The following OOEP variants were observed in gnomAD, a reference collection of about 807,000 sequenced individuals.
OOEP encodes oocyte expressed protein.
In OOEP, 16 loss-of-function variants were observed where a neutral mutation model predicts 13.7. The observed-to-expected ratio is 1.16, with a 90% CI of 0.79 to 1.77. The LOEUF (loss-of-function observed/expected upper bound fraction) is 1.77, where lower values mean the gene tolerates loss of function less well. Ranked by LOEUF, OOEP falls within the 40% of genes most tolerant of loss-of-function variation. OOEP has a pLI of 0.00. For missense variants in OOEP, 195 were observed against 193.1 expected (o/e 1.01, Z -0.06); for synonymous variants, 89 against 77.1 (o/e 1.15, Z -0.81).
At chr6:73,385,716 T>C (rs553664177) in intron 2 of OOEP, among the ~76,000 whole-genome samples, 69 of 151,822 alleles carry the variant, frequency 4.5e-4, no homozygotes, top group Non-Finnish European at 2.2e-4. Flanking sequence ...GCCTCCTGAG[T>C]AGCTGGGATT....
At chr6:73,378,470 A>G (rs982204535) in intron 2 of OOEP, among the ~76,000 whole-genome samples, 1 of 152,124 alleles carries the variant, frequency 6.6e-6, no homozygotes, top group African/African-American at 2.4e-5. Context: ...CTTAAAAATC[A>G]TTGAGGCCAG....
intron 2 of OOEP, among the ~76,000 whole-genome samples, chr6:73,386,247 A>G (rs1445417160): frequency 1.3e-5 from 2 of 152,006 alleles, no homozygotes; most frequent in African/African-American, 4.8e-5. Context: ...GGCATGTGCC[A>G]CCATGTCCAG....
intron 2 of OOEP, among the ~76,000 whole-genome samples, chr6:73,382,187 A>G (rs1769218645): frequency 6.8e-6 from 1 of 146,956 alleles, no homozygotes; most frequent in African/African-American, 2.5e-5. Flanking sequence ...ACCTGCGACC[A>G]CAGGCATGCA....
At chr6:73,378,360 C>T (rs1455385113) in intron 2 of OOEP, among the ~76,000 whole-genome samples, 1 of 151,948 alleles carries the variant, frequency 6.6e-6, no homozygotes, top group Non-Finnish European at 1.5e-5. Flanking sequence ...CCACCTCAGC[C>T]TCCCAAAATG....
exon 2 of OOEP, chr6:73,394,414 C>G (rs746346173): frequency 9.8e-6 from 7 of 712,384 alleles, no homozygotes; most frequent in South Asian, 8.9e-5. Flanking sequence ...TTTGGGAGGC[C>G]GAGGCTGGAA....
intron 2 of OOEP, chr6:73,387,857 A>G (rs1324683488): frequency 6.6e-6 from 1 of 152,208 alleles, no homozygotes; most frequent in Non-Finnish European, 1.5e-5. Context: ...GATAGTTCTG[A>G]CAACATTAGA....
chr6:73,386,522 A>AT (rs1769274411), intron 2 of OOEP, among the ~76,000 whole-genome samples: 2 of 152,230 alleles, frequency 1.3e-5, no homozygotes, highest in Non-Finnish European at 2.9e-5. Context: ...ATACTTTTAC[A>AT]AGTTTAGTAA....
At chr6:73,394,944 G>T (rs753454673) in exon 1 of OOEP, 1 of 1,614,260 alleles carries the variant, frequency 6.2e-7, no homozygotes, top group South Asian at 1.1e-5. Context: ...CCTCTACGTG[G>T]GTCGTTGCTA....
exon 1 of OOEP, chr6:73,394,911 C>T (rs1342153234): frequency 1.9e-6 from 3 of 1,613,990 alleles, no homozygotes; most frequent in Non-Finnish European, 1.7e-6. Context: ...GAACAATGTC[C>T]CACCACGGAG....
upstream of OOEP, among the ~76,000 whole-genome samples, chr6:73,370,441 AT>A (rs34253887): frequency 2.6e-5 from 4 of 152,066 alleles, no homozygotes; most frequent in Admixed American, 1.3e-4. Flanking sequence ...ATCGATGGAC[AT>A]TTTTTCCCAA....
upstream of OOEP, among the ~76,000 whole-genome samples, chr6:73,371,614 G>C (rs1213238184): frequency 1.3e-5 from 2 of 152,088 alleles, no homozygotes; most frequent in African/African-American, 4.8e-5. Context: ...GCCGGACATG[G>C]TGGTGCATGC....
chr6:73,388,930 G>A (rs1030777251), intron 2 of OOEP, among the ~76,000 whole-genome samples: 1 of 152,172 alleles, frequency 6.6e-6, no homozygotes, highest in Non-Finnish European at 1.5e-5. Context: ...GGAGGAATAA[G>A]TTCTCGGAGG....
intron 2 of OOEP, among the ~76,000 whole-genome samples, chr6:73,385,493 C>A (rs908856866): frequency 1.3e-4 from 19 of 151,970 alleles, no homozygotes; most frequent in Non-Finnish European, 2.4e-4. Context: ...TAAAGGACAA[C>A]AACTACATGA....
chr6:73,391,691 G>C (rs912885146), intron 2 of OOEP: 1 of 153,906 alleles, frequency 6.5e-6, no homozygotes, highest in Admixed American at 6.5e-5. Context: ...CTCAGAAAAA[G>C]TATGACATTT....
chr6:73,388,293 TTA>T (rs1562280139), intron 2 of OOEP, among the ~76,000 whole-genome samples: 3 of 116,964 alleles, frequency 2.6e-5, no homozygotes, highest in African/African-American at 6.5e-5. Flanking sequence ...TAACAAAAAA[TTA>T]TATGTCTAAC....
At position 73,394,746 on chromosome 6, in the gene OOEP, G is replaced by T. The variant is rs1769422182; in HGVS notation, c.-146C>A. 3.9e-6 allele frequency: 4 copies of T among 1,037,836 alleles called. No individual in the cohort carries two copies. The Admixed American group carries it at 8.6e-5, about 22-fold the overall frequency. 64.3% of individuals were successfully genotyped at this position (1,037,836 alleles called of 1,614,324 possible). On this transcript the variant is annotated 5_prime_UTR_variant, in exon 1 of 4. Coordinates refer to the OOEP transcript ENST00000370363. ...GCCAATGGCTGCGTGAAATCAGTGC[G>T]AAGTGGGCGGGATAGAGAGCGTGGG...
At chr6:73,379,828 T>G (rs1427608833) in intron 2 of OOEP, among the ~76,000 whole-genome samples, 1 of 152,082 alleles carries the variant, frequency 6.6e-6, no homozygotes, top group Non-Finnish European at 1.5e-5. Flanking sequence ...GCTCAAGCAG[T>G]CTGCCCACTT....
chr6:73,381,667 C>T (rs147648827), intron 2 of OOEP, among the ~76,000 whole-genome samples: 152 of 152,114 alleles, frequency 1.0e-3, no homozygotes, highest in African/African-American at 3.2e-3. Context: ...AGAGGTGGGC[C>T]GGCGTGGGGG....
chr6:73,383,199 C>G (rs1454314925), intron 2 of OOEP, among the ~76,000 whole-genome samples: 1 of 152,014 alleles, frequency 6.6e-6, no homozygotes, highest in Admixed American at 6.6e-5. Flanking sequence ...TTCTTAGGGC[C>G]GGTAACACTA....
Sources: allele counts gnomAD v4.1 joint callset (sites outside exome capture counted in the v4.1 genomes callset), GRCh38; gene constraint gnomAD v4.1.1; transcripts MANE v1.5; gene names NCBI Gene and HGNC (gene_info 2026-07-23, HGNC 2026-07-21).